Variants in PTPRD observed in about 807,000 individuals in gnomAD.
PTPRD encodes the protein protein tyrosine phosphatase receptor type D, also known as receptor-type tyrosine-protein phosphatase delta.
PTPRD carries 34 observed loss-of-function variants against 214.5 expected under a neutral mutation model. That is an observed-to-expected ratio of 0.16 (90% confidence interval 0.12 to 0.21). The LOEUF (loss-of-function observed/expected upper bound fraction) is 0.21, where lower values mean the gene tolerates loss of function less well. PTPRD is among the 10% of genes least tolerant of loss of function. The pLI, the probability that PTPRD is intolerant of heterozygous loss-of-function variation, is 1.00. For missense variants in PTPRD, 2,545 were observed against 2,398.7 expected (o/e 1.06, Z -1.27); for synonymous variants, 1,128 against 845.7 (o/e 1.33, Z -5.79).
chr9:10,114,489 ACT>A (rs897510543), intron 3 of PTPRD, among the ~76,000 whole-genome samples: 6 of 150,992 alleles, frequency 4.0e-5, no homozygotes, highest in Non-Finnish European at 8.9e-5. Flanking sequence ...GCTCGCTCTC[ACT>A]CTCTCTCTCA....
At chr9:8,731,289 T>C (rs2098655875) in intron 12 of PTPRD, among the ~76,000 whole-genome samples, 1 of 152,202 alleles carries the variant, frequency 6.6e-6, no homozygotes, top group East Asian at 1.9e-4. Context: ...GTCTTCTTTT[T>C]CAAAGGAGGA....
At position 9,438,410 on chromosome 9, in the gene PTPRD, T is replaced by C. The variant is rs529918865; in HGVS notation, c.-236-40928A>G. ...ATAATCTCATACTGTTATTATAGAA[T>C]ATTAATTGGAATAAAGTTCCTTCTG... On this transcript the variant is annotated intron_variant, in intron 8 of 45. Coordinates refer to ENST00000381196, the MANE Select transcript of PTPRD (RefSeq NM_002839.4). Among the ~76,000 whole-genome samples, 3 of 152,360 alleles carry C rather than the reference T, an allele frequency of 2.0e-5. No individual in the cohort carries two copies. In the East Asian group the frequency reaches 5.8e-4, roughly 29 times the overall value.
At chr9:10,077,677 T>C (rs1242203167) in intron 3 of PTPRD, among the ~76,000 whole-genome samples, 2 of 152,122 alleles carry the variant, frequency 1.3e-5, no homozygotes, top group East Asian at 1.9e-4. Context: ...CACCCATGTC[T>C]GTTGTTCCCT....
intron 12 of PTPRD, among the ~76,000 whole-genome samples, chr9:8,671,840 T>C (rs1392844445): frequency 6.6e-6 from 1 of 152,192 alleles, no homozygotes; most frequent in East Asian, 1.9e-4. Flanking sequence ...ACCCTATTTT[T>C]ATACTTTGCA....
intron 11 of PTPRD, among the ~76,000 whole-genome samples, chr9:9,016,344 G>C (rs2099535041): frequency 6.6e-6 from 1 of 152,156 alleles, no homozygotes; most frequent in African/African-American, 2.4e-5. Flanking sequence ...TGTGGAACAA[G>C]TTCTGGGTTC....
chr9:8,847,558 T>C (rs2097723478), intron 11 of PTPRD, among the ~76,000 whole-genome samples: 1 of 152,160 alleles, frequency 6.6e-6, no homozygotes, highest in Admixed American at 6.5e-5. Context: ...CGAGTAATTT[T>C]CCATGTAACT....
At chr9:9,760,445 C>T (rs982182419) in intron 6 of PTPRD, among the ~76,000 whole-genome samples, 1 of 152,036 alleles carries the variant, frequency 6.6e-6, no homozygotes, top group African/African-American at 2.4e-5. Context: ...CCTCCAAGAC[C>T]TGCTCCAATA....
chr9:9,536,728 C>T (rs2076590434), intron 8 of PTPRD, among the ~76,000 whole-genome samples: 1 of 151,998 alleles, frequency 6.6e-6, no homozygotes, highest in African/African-American at 2.4e-5. Flanking sequence ...AAAGCACTAT[C>T]GCTTTTCAAA....
chr9:9,694,346 A>G (rs1383096824), intron 7 of PTPRD, among the ~76,000 whole-genome samples: 1 of 151,860 alleles, frequency 6.6e-6, no homozygotes, highest in African/African-American at 2.4e-5. Context: ...TAAGATCTGG[A>G]TGAATTCTCT....
At position 9,341,658 on chromosome 9, in the gene PTPRD, A is replaced by C. The variant is rs534108227; in HGVS notation, c.-203+55791T>G. ...TTATGCTTTACTTGACCTTAGACTA[A>C]TCTTCTAATTTGGAACCTGAGGGCT... On this transcript the variant is annotated intron_variant, in intron 9 of 45. Coordinates refer to ENST00000381196, the MANE Select transcript of PTPRD (RefSeq NM_002839.4). 1.5e-4 allele frequency among the ~76,000 whole-genome samples: 23 copies of C among 152,122 alleles called. No homozygotes were observed. The South Asian group carries it at 4.8e-3, about 32-fold the overall frequency.
intron 2 of PTPRD, among the ~76,000 whole-genome samples, chr9:10,580,195 C>T (rs1046705314): frequency 2.0e-5 from 3 of 152,176 alleles, no homozygotes; most frequent in African/African-American, 7.2e-5. Context: ...AAATCTCTAG[C>T]TTACCTAAGG....
intron 2 of PTPRD, among the ~76,000 whole-genome samples, chr9:10,367,562 A>C (rs763041037): frequency 7.2e-5 from 11 of 152,210 alleles, no homozygotes; most frequent in Non-Finnish European, 1.3e-4. Context: ...ACAAGCCAAA[A>C]GCAAAATAAA....
chr9:8,417,218 G>C (rs1486991417), intron 35 of PTPRD, among the ~76,000 whole-genome samples: 1 of 151,996 alleles, frequency 6.6e-6, no homozygotes, highest in Non-Finnish European at 1.5e-5. Context: ...AAATCCAAAA[G>C]AGTGGGAAGT....
chr9:9,412,615 A>C (rs75320748), intron 8 of PTPRD, among the ~76,000 whole-genome samples: 1 of 151,816 alleles, frequency 6.6e-6, no homozygotes, highest in East Asian at 1.9e-4. Flanking sequence ...TTAGACTCTC[A>C]CTCCACCAAC....
At chr9:10,233,272 G>C (rs1298151446) in intron 3 of PTPRD, among the ~76,000 whole-genome samples, 1 of 151,956 alleles carries the variant, frequency 6.6e-6, no homozygotes. Context: ...CACAGAGGTT[G>C]CTAAAATTCT....
At chr9:8,497,680 G>C (rs1406526350) in intron 25 of PTPRD, among the ~76,000 whole-genome samples, 1 of 152,048 alleles carries the variant, frequency 6.6e-6, no homozygotes, top group Non-Finnish European at 1.5e-5. Flanking sequence ...GAGATGTAAT[G>C]AAATTTCAGT....
intron 5 of PTPRD, among the ~76,000 whole-genome samples, chr9:9,814,789 A>G (rs1598573220): frequency 7.0e-6 from 1 of 142,120 alleles, no homozygotes; most frequent in South Asian, 2.2e-4. Context: ...CCAAATACCA[A>G]AGTGACTTTT....
chr9:10,335,616 A>T (rs2096831326), intron 3 of PTPRD, among the ~76,000 whole-genome samples: 1 of 151,792 alleles, frequency 6.6e-6, no homozygotes, highest in South Asian at 2.1e-4. Flanking sequence ...AAAATAAAAA[A>T]TTCCAGCTGA....
intron 7 of PTPRD, among the ~76,000 whole-genome samples, chr9:9,577,517 T>C (rs973890670): frequency 6.6e-6 from 1 of 152,044 alleles, no homozygotes; most frequent in Non-Finnish European, 1.5e-5. Context: ...TGAGCCGAGA[T>C]TGTGCCACTG....
Sources: gnomAD v4.1 joint callset for allele counts (sites outside exome capture counted in the v4.1 genomes callset) on GRCh38, gnomAD v4.1.1 for gene constraint, MANE v1.5 for transcripts, NCBI Gene and HGNC (gene_info 2026-07-23, HGNC 2026-07-21) for gene names.